SNX1: variants seen among roughly 807,000 people sequenced by gnomAD.
SNX1 encodes sorting nexin-1.
Under a neutral mutation model 71.8 loss-of-function variants are expected in SNX1, and 36 were observed. The observed-to-expected ratio is 0.50, with a 90% confidence interval of 0.38 to 0.66. SNX1 has a LOEUF of 0.66. SNX1 is among the 30% of genes least tolerant of loss of function. SNX1 has a pLI of 0.00. For synonymous variants in SNX1, 254 were observed against 240.7 expected (o/e 1.06, Z -0.51); for missense variants, 612 against 646.7 (o/e 0.95, Z 0.58).
intron 1 of SNX1, among the ~76,000 whole-genome samples, chr15:64,102,963 TG>T (rs2080980475): frequency 6.6e-6 from 1 of 151,882 alleles, no homozygotes; most frequent in Non-Finnish European, 1.5e-5. Context: ...GACGGGGTTT[TG>T]CCACGTTGCC....
Position 64,112,580 on chromosome 15 carries a change from A to C in SNX1, c.167A>C (p.His56Pro), listed in dbSNP as rs759807032. ...IFTGAAVVSK[H>P]QSPKITTSLL... is the part of the protein sequence containing the mutation. ...GTATCTCTTTGTTTTCAGAGTAAAC[A>C]TCAGTCTCCAAAGATAACTACATCC... is the stretch of plus-strand genomic sequence containing the variant. Residue 56 changes from histidine to proline, a missense_variant, in exon 2 of 15, where the codon CAT (histidine) becomes CCT (proline). His to Pro is a moderately conservative substitution (Grantham distance 77, BLOSUM62 -2). This residue lies in a region of SNX1 where 316 missense variants were observed against 284.9 expected (regional missense o/e 1.11). Transcript: ENST00000559844. The C allele has an allele frequency of 3.1e-6, 5 of 1,600,320 alleles. No homozygotes were observed. In the South Asian group the frequency reaches 5.6e-5, roughly 18 times the overall value.
At chr15:64,114,891 C>T (rs2081112991) in intron 2 of SNX1, among the ~76,000 whole-genome samples, 1 of 151,978 alleles carries the variant, frequency 6.6e-6, no homozygotes, top group African/African-American at 2.4e-5. Context: ...CCTGTAATTC[C>T]AGCACTTTGG....
chr15:64,109,281 G>A (rs114744951), intron 1 of SNX1, among the ~76,000 whole-genome samples: 1,729 of 151,512 alleles, frequency 0.011, 29 homozygotes, highest in African/African-American at 0.04. Context: ...GCTGAGGCAC[G>A]AGATTGCTTG....
At chr15:64,116,279 G>A (rs1016526417) in intron 2 of SNX1, among the ~76,000 whole-genome samples, 4 of 152,198 alleles carry the variant, frequency 2.6e-5, no homozygotes, top group East Asian at 3.8e-4. Context: ...TGAGTAAGTA[G>A]GCTAAGGCAG....
chr15:64,101,445 C>A (rs2080960551), intron 1 of SNX1, among the ~76,000 whole-genome samples: 1 of 152,144 alleles, frequency 6.6e-6, no homozygotes, highest in African/African-American at 2.4e-5. Flanking sequence ...ACAAGATTTT[C>A]TTCTTTTTTA....
At chr15:64,123,670 A>T in intron 5 of SNX1, 124 bp downstream of exon 5, 10 of 773,976 alleles carry the variant, frequency 1.3e-5, no homozygotes, top group Non-Finnish European at 1.5e-5. Context: ...TGTTTACTCA[A>T]GATAGAGCAA....
chr15:64,120,821 A>G (rs1006737888), intron 4 of SNX1, among the ~76,000 whole-genome samples: 11 of 152,178 alleles, frequency 7.2e-5, no homozygotes, highest in African/African-American at 2.7e-4. Flanking sequence ...ACGTTGGGTA[A>G]CAGAGTGAGA....
chr15:64,133,779 C>T (rs1461347447), intron 11 of SNX1, among the ~76,000 whole-genome samples: 1 of 152,170 alleles, frequency 6.6e-6, no homozygotes, highest in African/African-American at 2.4e-5. Flanking sequence ...GTGAGGGAGC[C>T]GCTGGAACCC....
At chr15:64,123,670 A>G (rs890908693) in intron 5 of SNX1, 124 bp downstream of exon 5, 2 of 773,858 alleles carry the variant, frequency 2.6e-6, no homozygotes, top group Admixed American at 2.2e-5. Context: ...TGTTTACTCA[A>G]GATAGAGCAA....
chr15:64,121,822 T>A (rs998818356), intron 4 of SNX1, among the ~76,000 whole-genome samples: 1 of 152,248 alleles, frequency 6.6e-6, no homozygotes, highest in African/African-American at 2.4e-5. Context: ...ATTCAAGGCC[T>A]GATCTTTATA....
intron 11 of SNX1, among the ~76,000 whole-genome samples, chr15:64,133,127 CTT>C: frequency 6.6e-6 from 1 of 152,296 alleles, no homozygotes; most frequent in Non-Finnish European, 1.5e-5. Context: ...TGCGAATGGT[CTT>C]TTCTCAGAGA....
In SNX1 at chr15:64,127,773, C is replaced by T. The variant is rs2081268882; in HGVS notation, c.774C>T (p.Asp258=). The change falls in exon 8 of 15, where the codon GAC becomes GAT. Residue 258 remains aspartate, a synonymous_variant. Transcript: ENST00000559844. ...RIVNHPTMLQ[D]PDVREFLEKE... Reference sequence around the variant, plus strand: ...TAAATCATCCTACCATGTTACAGGACCCTGACGTCAGAGAGTTCTTGGAAA... The same window carrying T: ...TAAATCATCCTACCATGTTACAGGATCCTGACGTCAGAGAGTTCTTGGAAA... 3 of 1,613,740 alleles carry T rather than the reference C, an allele frequency of 1.9e-6. No homozygotes were observed. Among genetic ancestry groups the T allele is most frequent in the Non-Finnish European group, 2.5e-6 (3 of 1,179,788 alleles).
chr15:64,137,460 T>G (rs1338211410), intron 14 of SNX1, 108 bp from the exon 15 acceptor site: 1 of 1,210,250 alleles, frequency 8.3e-7, no homozygotes, highest in Non-Finnish European at 1.2e-6. Flanking sequence ...TGCCTTTGTG[T>G]GGCAGGCGCT....
At position 64,118,768 on chromosome 15, in the gene SNX1, T is replaced by C. The variant is rs1222653507; in HGVS notation, c.400-20T>C. Reference sequence around the variant, plus strand: ...TTTTTTTTCATATCAACTCTCATGATTTGTCTTTTCTTGAAAAAGCTAGAG... The same window carrying C: ...TTTTTTTTCATATCAACTCTCATGACTTGTCTTTTCTTGAAAAAGCTAGAG... On this transcript the variant is annotated intron_variant, in intron 3 of 14. Transcript: ENST00000559844. The C allele has an allele frequency of 6.3e-7, 1 of 1,599,714 alleles. No homozygotes were observed. Among genetic ancestry groups the C allele is most frequent in the Admixed American group, 1.7e-5 (1 of 59,880 alleles).
intron 10 of SNX1, 112 bp from the exon 11 acceptor site, chr15:64,131,575 T>G (rs745936893): frequency 4.2e-6 from 4 of 954,276 alleles, no homozygotes; most frequent in Non-Finnish European, 4.8e-6. Context: ...GAGCCCTCAG[T>G]TCCCAGATAT....
In SNX1 at chr15:64,118,260, C is replaced by T; in HGVS notation, c.399+16C>T. On this transcript the variant is annotated intron_variant, in intron 3 of 14. Transcript: ENST00000559844. The stretch of plus-strand genomic sequence containing the variant: ...CTATGAGGAGGTGAGGATCTGTGCT[C>T]TTGGTCTTATCGCTTTTAGATATTG... 6 of 1,603,402 alleles carry T rather than the reference C, an allele frequency of 3.7e-6. No homozygotes were observed. The highest frequency in any genetic ancestry group is 1.1e-5 in the South Asian group (1 of 90,180).
intron 7 of SNX1, 26 bp from the exon 8 acceptor site, chr15:64,127,705 C>G (rs1208616670): frequency 6.3e-6 from 10 of 1,584,860 alleles, no homozygotes; most frequent in South Asian, 1.1e-5. Context: ...GCTCAACTAA[C>G]CAGATGATAA....
chr15:64,109,532 C>CA (rs2081057291), intron 1 of SNX1, among the ~76,000 whole-genome samples: 1 of 150,204 alleles, frequency 6.7e-6, no homozygotes, highest in Non-Finnish European at 1.5e-5. Flanking sequence ...TTTTTTGAGA[C>CA]AGAGTCTCGT....
intron 6 of SNX1, 108 bp from the exon 7 acceptor site, chr15:64,127,066 C>A: frequency 1.3e-6 from 1 of 794,246 alleles, no homozygotes; most frequent in Non-Finnish European, 2.1e-6. Context: ...TGGCCTTAGG[C>A]TGTGTGCTAG....
Sources: gnomAD v4.1 joint callset for allele counts (sites outside exome capture counted in the v4.1 genomes callset) on GRCh38, gnomAD v4.1.1 for gene constraint, gnomAD v4.1.1 regional missense constraint, MANE v1.5 for transcripts, NCBI Gene and HGNC (gene_info 2026-07-23, HGNC 2026-07-21) for gene names.